The following GRIN2A variants were observed in gnomAD, a reference collection of about 807,000 sequenced individuals.
GRIN2A encodes the protein glutamate receptor ionotropic, NMDA 2A.
In GRIN2A, 22 loss-of-function variants were observed where a neutral mutation model predicts 113.4. That is an observed-to-expected ratio of 0.19 (90% CI 0.14 to 0.28). The LOEUF is 0.28. GRIN2A is among the 10% of genes least tolerant of loss of function. The pLI is 1.00. For missense variants in GRIN2A, 1,502 were observed against 1,887.0 expected (o/e 0.80, Z 3.78); for synonymous variants, 827 against 738.4 (o/e 1.12, Z -1.94).
At chr16:9,890,893 C>T in intron 4 of GRIN2A, 93 bp downstream of exon 4, 1 of 825,568 alleles carries the variant, frequency 1.2e-6, no homozygotes, top group Non-Finnish European at 2.1e-6. Context: ...AGCAGCTCAA[C>T]AGGAAATGCG....
At chr16:9,803,960 C>T (rs990429953) in intron 10 of GRIN2A, among the ~76,000 whole-genome samples, 2 of 152,160 alleles carry the variant, frequency 1.3e-5, no homozygotes, top group African/African-American at 2.4e-5. Flanking sequence ...GGGGCCAGAG[C>T]GGCCGGAGTT....
chr16:10,175,865 G>T (rs544078313), intron 2 of GRIN2A, among the ~76,000 whole-genome samples: 11 of 152,242 alleles, frequency 7.2e-5, no homozygotes, highest in African/African-American at 2.6e-4. Flanking sequence ...CCATATTCTG[G>T]GCTTACCAGG....
intron 3 of GRIN2A, among the ~76,000 whole-genome samples, chr16:9,914,772 A>C (rs988423038): frequency 6.6e-6 from 1 of 152,038 alleles, no homozygotes; most frequent in Non-Finnish European, 1.5e-5. Flanking sequence ...TAGACAAGCC[A>C]CAAAGAGACT....
intron 9 of GRIN2A, among the ~76,000 whole-genome samples, chr16:9,823,582 A>G (rs2042329891): frequency 6.6e-6 from 1 of 152,240 alleles, no homozygotes; most frequent in Non-Finnish European, 1.5e-5. Context: ...AGTAATAACA[A>G]CAATGACTAA....
At chr16:10,046,652 A>G (rs1013237124) in intron 2 of GRIN2A, among the ~76,000 whole-genome samples, 1 of 152,212 alleles carries the variant, frequency 6.6e-6, no homozygotes, top group African/African-American at 2.4e-5. Flanking sequence ...AGCTACACAC[A>G]CACACACAGC....
intron 11 of GRIN2A, among the ~76,000 whole-genome samples, chr16:9,779,224 G>A (rs1252391781): frequency 6.6e-6 from 1 of 152,222 alleles, no homozygotes; most frequent in Non-Finnish European, 1.5e-5. Flanking sequence ...CTGGCCAGGG[G>A]CTTCAGCCAT....
intron 2 of GRIN2A, among the ~76,000 whole-genome samples, chr16:10,021,443 T>C (rs1386231170): frequency 1.3e-5 from 2 of 152,148 alleles, no homozygotes; most frequent in Non-Finnish European, 2.9e-5. Context: ...GCCAGAATTC[T>C]CACCTCAGCA....
At chr16:9,974,228 A>G (rs574381206) in intron 2 of GRIN2A, among the ~76,000 whole-genome samples, 5 of 152,326 alleles carry the variant, frequency 3.3e-5, no homozygotes, top group Admixed American at 2.0e-4. Flanking sequence ...AAGCGAAACT[A>G]AAGGCAGTTA....
In GRIN2A at chr16:9,763,009, G is replaced by A; in HGVS notation, c.*140C>T. 2 of 820,648 alleles carry A rather than the reference G, an allele frequency of 2.4e-6. No individual in the cohort carries two copies. Among genetic ancestry groups the A allele is most frequent in the South Asian group, 3.4e-5 (2 of 59,642 alleles). The allele number at this position is 820,648 out of a possible 1,614,324, so 50.8% of individuals were successfully genotyped here. ...TTATGGCATGAAGCCGTGTGCAAAAGAGCCAACAACAACAACAACAAAATA... is the reference window on the plus strand; with the variant it reads ...TTATGGCATGAAGCCGTGTGCAAAAAAGCCAACAACAACAACAACAAAATA... On this transcript the variant is annotated 3_prime_UTR_variant, in exon 13 of 13. Transcript: ENST00000330684.
intron 2 of GRIN2A, among the ~76,000 whole-genome samples, chr16:9,940,030 GAGAGAGAGAGAA>G (rs1411530479): frequency 5.0e-5 from 7 of 139,336 alleles, no homozygotes; most frequent in African/African-American, 1.8e-4. Context: ...GAGAGAGAGA[GAGAGAGAGAGAA>G]AGAGAGAGAG....
intron 2 of GRIN2A, among the ~76,000 whole-genome samples, chr16:10,118,088 A>C (rs956624035): frequency 6.6e-6 from 1 of 152,176 alleles, no homozygotes; most frequent in African/African-American, 2.4e-5. Context: ...TGAAGGATGA[A>C]CATCTGTTGT....
chr16:10,027,721 T>C (rs1046179200), intron 2 of GRIN2A: 9 of 152,802 alleles, frequency 5.9e-5, no homozygotes, highest in African/African-American at 1.9e-4. Flanking sequence ...CGACTTCCCA[T>C]CCACAAGCTG....
At chr16:9,800,060 C>T (rs1293644288) in intron 10 of GRIN2A, among the ~76,000 whole-genome samples, 2 of 152,004 alleles carry the variant, frequency 1.3e-5, no homozygotes, top group East Asian at 3.9e-4. Flanking sequence ...CTGCAACCTC[C>T]ACCTCCTGGG....
chr16:9,827,987 T>C (rs934925738), intron 9 of GRIN2A, among the ~76,000 whole-genome samples: 1 of 152,208 alleles, frequency 6.6e-6, no homozygotes, highest in Non-Finnish European at 1.5e-5. Context: ...CTTATTTTTT[T>C]CCTACTAGAA....
At chr16:10,013,363 A>G (rs537325997) in intron 2 of GRIN2A, among the ~76,000 whole-genome samples, 1 of 152,298 alleles carries the variant, frequency 6.6e-6, no homozygotes, top group South Asian at 2.1e-4. Context: ...CATCCACATG[A>G]TGGCAGCTGA....
At chr16:9,870,227 G>A (rs1363076823) in intron 4 of GRIN2A, among the ~76,000 whole-genome samples, 1 of 152,168 alleles carries the variant, frequency 6.6e-6, no homozygotes, top group Non-Finnish European at 1.5e-5. Context: ...CTAGTTTGAG[G>A]TTCTGCACGA....
chr16:10,061,051 G>T (rs1273353448), intron 2 of GRIN2A, among the ~76,000 whole-genome samples: 1 of 152,182 alleles, frequency 6.6e-6, no homozygotes, highest in Admixed American at 6.5e-5. Context: ...TATCAGAGAT[G>T]ACCAACAATA....
intron 2 of GRIN2A, among the ~76,000 whole-genome samples, chr16:10,172,249 C>T (rs943752285): frequency 1.3e-5 from 2 of 152,178 alleles, no homozygotes; most frequent in African/African-American, 4.8e-5. Context: ...GACTCTTTGT[C>T]CAAGGTTTTC....
chr16:10,154,034 A>C lies in GRIN2A; in HGVS notation c.414+25964T>G, dbSNP rs190450077. On this transcript the variant is annotated intron_variant, in intron 2 of 12. Transcript: ENST00000330684. ...TCCTGTGCATTCATTAATGCTGTCCACCCCACAGTCCAGTTTTCCTCTCGT... is the reference window on the plus strand; with the variant it reads ...TCCTGTGCATTCATTAATGCTGTCCCCCCCACAGTCCAGTTTTCCTCTCGT... 2.1e-3 allele frequency among the ~76,000 whole-genome samples: 321 copies of C among 152,110 alleles called. 3 individuals are homozygous for C. The highest frequency in any genetic ancestry group is 7.2e-3 in the African/African-American group (298 of 41,502).
Sources: allele counts gnomAD v4.1 joint callset (sites outside exome capture counted in the v4.1 genomes callset), GRCh38; gene constraint gnomAD v4.1.1; transcripts MANE v1.5; gene names NCBI Gene and HGNC (gene_info 2026-07-23, HGNC 2026-07-21).